DIRAS2: variants seen among roughly 807,000 people sequenced by gnomAD.
DIRAS2 encodes GTP-binding protein Di-Ras2.
A neutral mutation model predicts 13.9 loss-of-function variants in DIRAS2; 5 were observed. The observed-to-expected ratio is 0.36, with a 90% confidence interval of 0.19 to 0.76. The LOEUF (loss-of-function observed/expected upper bound fraction) is 0.76, where lower values mean the gene tolerates loss of function less well. Among genes scored for constraint, DIRAS2 ranks in the 30% least tolerant of loss-of-function variants. The pLI, the probability that DIRAS2 is intolerant of heterozygous loss-of-function variation, is 0.53. For synonymous variants in DIRAS2, 111 were observed against 105.4 expected (o/e 1.05, Z -0.33); for missense variants, 191 against 263.0 (o/e 0.73, Z 1.89).
intron 1 of DIRAS2, among the ~76,000 whole-genome samples, chr9:90,637,425 G>A (rs1208395284): frequency 1.3e-5 from 2 of 152,168 alleles, no homozygotes; most frequent in East Asian, 3.8e-4. Flanking sequence ...TGGAACTGCA[G>A]AATCAAACGG....
chr9:90,614,583 T>A (rs575258675), intron 1 of DIRAS2, among the ~76,000 whole-genome samples: 82 of 152,250 alleles, frequency 5.4e-4, no homozygotes, highest in African/African-American at 1.9e-3. Flanking sequence ...TGGATGTCAA[T>A]GCCCATCCCA....
chr9:90,637,095 A>G (rs1447678393), intron 1 of DIRAS2, among the ~76,000 whole-genome samples: 7 of 152,222 alleles, frequency 4.6e-5, no homozygotes, highest in African/African-American at 1.7e-4. Context: ...ATCATAAAAT[A>G]TATCACTGCA....
intron 1 of DIRAS2, chr9:90,626,117 A>G (rs481897): frequency 0.21 from 30,833 of 149,220 alleles, 3,727 homozygotes; most frequent in East Asian, 0.33. Flanking sequence ...CAGGAGGCAG[A>G]GGTTGCAGTG....
In DIRAS2 at chr9:90,624,065, A is replaced by G. The variant is rs1825245985; in HGVS notation, c.-36-10202T>C. 3.9e-5 allele frequency among the ~76,000 whole-genome samples: 6 copies of G among 152,254 alleles called. No homozygotes were observed. In the South Asian group the frequency reaches 1.2e-3, roughly 31 times the overall value. On this transcript the variant is annotated intron_variant, in intron 1 of 1. Coordinates refer to ENST00000375765, the MANE Select transcript of DIRAS2 (RefSeq NM_017594.5). ...AGGTTTATACAGATTGTCTCTGCTC[A>G]ATTACTGACTTGGTTTCCGTGAAAT...
In DIRAS2 at chr9:90,612,740, G is replaced by A. The variant is rs988945477; in HGVS notation, c.*488C>T. 2 of 160,186 alleles carry A rather than the reference G, an allele frequency of 1.2e-5. No individual in the cohort carries two copies. The highest frequency in any genetic ancestry group is 2.8e-5 in the Non-Finnish European group (2 of 72,674). The allele number at this position is 160,186 out of a possible 1,614,324, so 9.9% of individuals were successfully genotyped here. A position where few individuals can be genotyped will look rare whatever the true frequency, so the allele number is the denominator to read the frequency against. On this transcript the variant is annotated 3_prime_UTR_variant, in exon 2 of 2. Transcript: ENST00000375765. ...GTTTTTTAATCCCCTTTAAAAAAGTGTAAAATGGACCAAGTGTGGTCCACT... is the reference window on the plus strand; with the variant it reads ...GTTTTTTAATCCCCTTTAAAAAAGTATAAAATGGACCAAGTGTGGTCCACT...
chr9:90,613,123 G>A lies in DIRAS2; in HGVS notation c.*105C>T. On this transcript the variant is annotated 3_prime_UTR_variant, in exon 2 of 2. Transcript: ENST00000375765. This position sits in a 1 kb window ranked among gnomAD's most constrained non-coding sequence, Gnocchi z 5.6. ...AGGACGCATCTCGATTAAATGCAATGTTTAACACGTGGGCATTATACATGC... is the reference window on the plus strand; with the variant it reads ...AGGACGCATCTCGATTAAATGCAATATTTAACACGTGGGCATTATACATGC... The A allele has an allele frequency of 2.7e-6, 4 of 1,476,768 alleles. No individual in the cohort carries two copies. The highest frequency in any genetic ancestry group is 1.3e-5 in the South Asian group (1 of 74,930). 91.5% of individuals were successfully genotyped at this position (1,476,768 alleles called of 1,614,324 possible).
At chr9:90,629,349 T>C (rs566675883) in intron 1 of DIRAS2, among the ~76,000 whole-genome samples, 63 of 152,286 alleles carry the variant, frequency 4.1e-4, no homozygotes, top group African/African-American at 1.3e-3. Flanking sequence ...ATAAGCTTGA[T>C]TTTTAAAAAA....
At chr9:90,626,690 A>G (rs1825272835) in intron 1 of DIRAS2, among the ~76,000 whole-genome samples, 1 of 152,174 alleles carries the variant, frequency 6.6e-6, no homozygotes. Flanking sequence ...GGTAATCTAA[A>G]ATGGTACAAA....
In DIRAS2 at chr9:90,610,874, A is replaced by T. The variant is rs1825106260; in HGVS notation, c.*2354T>A. The T allele has an allele frequency of 6.5e-6, 1 of 154,110 alleles. No individual in the cohort carries two copies. Among genetic ancestry groups the T allele is most frequent in the African/African-American group, 2.4e-5 (1 of 41,548 alleles). The allele number at this position is 154,110 out of a possible 1,614,324, so 9.5% of individuals were successfully genotyped here. A position where few individuals can be genotyped will look rare whatever the true frequency, so the allele number is the denominator to read the frequency against. On this transcript the variant is annotated 3_prime_UTR_variant, in exon 2 of 2. Coordinates refer to ENST00000375765, the MANE Select transcript of DIRAS2 (RefSeq NM_017594.5). ...CAGTAATTACAAACTTCTCATGCTG[A>T]TGAAGCCCTGAACACTTAAACATGT...
chr9:90,613,289 C>T lies in DIRAS2; in HGVS notation c.539G>A (p.Gly180Glu). 1 of 1,613,928 alleles carries T rather than the reference C, an allele frequency of 6.2e-7. No homozygotes were observed. Among genetic ancestry groups the T allele is most frequent in the Non-Finnish European group, 8.5e-7 (1 of 1,179,992 alleles). The change falls in exon 2 of 2, where the codon GGG becomes GAG. Residue 180 changes from glycine (G) to glutamate (E), a missense_variant. Coordinates refer to ENST00000375765, the MANE Select transcript of DIRAS2 (RefSeq NM_017594.5). This position sits in a 1 kb window ranked among gnomAD's most constrained non-coding sequence, Gnocchi z 5.6. The stretch of plus-strand genomic sequence containing the variant: ...CCTTTTCTGCTGCTTGCTCTTTTTC[C>T]CGTCGATCTGGAGACTCACGGTCCT... Reference protein sequence around the residue: ...KRRTVSLQIDGKKSKQQKRKE... With the variant: ...KRRTVSLQIDEKKSKQQKRKE...
chr9:90,610,676 T>G lies in DIRAS2; in HGVS notation c.*2552A>C. 1 of 363,106 alleles carries G rather than the reference T, an allele frequency of 2.8e-6. No individual in the cohort carries two copies. The highest frequency in any genetic ancestry group is 4.0e-5 in the East Asian group (1 of 25,124). The allele number at this position is 363,106 out of a possible 1,614,324, so 22.5% of individuals were successfully genotyped here. ...ACTAACTCCTCAAACTCTGAGTCAA[T>G]TGGGGATCTCCTAAAAGACGATTTT... On this transcript the variant is annotated 3_prime_UTR_variant, in exon 2 of 2. Transcript: ENST00000375765.
chr9:90,618,032 C>T (rs1405669623), intron 1 of DIRAS2, among the ~76,000 whole-genome samples: 1 of 152,270 alleles, frequency 6.6e-6, no homozygotes, highest in Non-Finnish European at 1.5e-5. Flanking sequence ...TTAAAAGCAT[C>T]CCACTAGCGA....
At chr9:90,623,426 C>T (rs1481502919) in intron 1 of DIRAS2, among the ~76,000 whole-genome samples, 2 of 151,692 alleles carry the variant, frequency 1.3e-5, no homozygotes, top group Non-Finnish European at 2.9e-5. Flanking sequence ...CCTTATACTC[C>T]AAAAAAGCTT....
Position 90,613,587 on chromosome 9 carries a change from C to T in DIRAS2, c.241G>A (p.Ala81Thr). 4.3e-6 allele frequency: 7 copies of T among 1,614,128 alleles called. No individual in the cohort carries two copies. Among genetic ancestry groups the T allele is most frequent in the Non-Finnish European group, 5.9e-6 (7 of 1,180,040 alleles). ...GTAATGGAGTACACCAGGATGAAGGCGTGCCCTTTGGAGATGGACAGCCGC... is the reference window on the plus strand; with the variant it reads ...GTAATGGAGTACACCAGGATGAAGGTGTGCCCTTTGGAGATGGACAGCCGC... ...MQRLSISKGH[A>T]FILVYSITSR... Residue 81 changes from alanine to threonine, a missense_variant, in exon 2 of 2, where the codon GCC (alanine) becomes ACC (threonine). Transcript: ENST00000375765. This position sits in a 1 kb window ranked among gnomAD's most constrained non-coding sequence, Gnocchi z 5.6.
At chr9:90,615,396 A>G (rs1825159859) in intron 1 of DIRAS2, among the ~76,000 whole-genome samples, 1 of 152,210 alleles carries the variant, frequency 6.6e-6, no homozygotes, top group Non-Finnish European at 1.5e-5. Context: ...GAAAATATAA[A>G]AGACTGTTAG....
At chr9:90,618,377 G>A (rs1323129352) in intron 1 of DIRAS2, among the ~76,000 whole-genome samples, 1 of 152,082 alleles carries the variant, frequency 6.6e-6, no homozygotes, top group Non-Finnish European at 1.5e-5. Context: ...AGAATAAGGG[G>A]AGCACCTCTC....
chr9:90,632,549 A>G (rs978800830), intron 1 of DIRAS2, among the ~76,000 whole-genome samples: 2 of 152,166 alleles, frequency 1.3e-5, no homozygotes, highest in Admixed American at 6.5e-5. Flanking sequence ...TCCAGCTTAC[A>G]TTTGTTTTAG....
intron 1 of DIRAS2, among the ~76,000 whole-genome samples, chr9:90,639,164 C>T (rs990700545): frequency 2.0e-5 from 3 of 152,108 alleles, no homozygotes; most frequent in Non-Finnish European, 4.4e-5. Flanking sequence ...AGACAGAGAA[C>T]CATGTGATGG....
At chr9:90,641,867 G>C (rs979451245) in intron 1 of DIRAS2, among the ~76,000 whole-genome samples, 1 of 152,162 alleles carries the variant, frequency 6.6e-6, no homozygotes, top group Non-Finnish European at 1.5e-5. Flanking sequence ...AAAAGATAAC[G>C]AGGGCAAATA....
Sources: gnomAD v4.1 joint callset for allele counts (sites outside exome capture counted in the v4.1 genomes callset) on GRCh38, gnomAD v4.1.1 for gene constraint, Gnocchi (gnomAD v3.1) non-coding constraint, MANE v1.5 for transcripts, NCBI Gene and HGNC (gene_info 2026-07-23, HGNC 2026-07-21) for gene names.